COP1: variants seen among roughly 807,000 people sequenced by gnomAD.
COP1 encodes the protein COP1 E3 ubiquitin ligase.
A neutral mutation model predicts 101.3 loss-of-function variants in COP1; 24 were observed. The ratio of observed to expected loss-of-function variants is 0.24; its 90% CI spans 0.17 to 0.33. COP1 has a LOEUF of 0.33. COP1 is among the 10% of genes least tolerant of loss of function. COP1 has a pLI of 1.00. For missense variants in COP1, 663 were observed against 906.2 expected, an observed-to-expected ratio of 0.73 and a Z score of 3.45; for synonymous variants, 347 against 341.9, an observed-to-expected ratio of 1.01 and a Z score of -0.17.
chr1:176,159,457 T>C (rs1372670917), intron 5 of COP1, among the ~76,000 whole-genome samples: 1 of 152,118 alleles, frequency 6.6e-6, no homozygotes, highest in Non-Finnish European at 1.5e-5. Context: ...AATCTGTCAA[T>C]ATCAAATATT....
At chr1:176,046,369 T>C (rs772456497) in intron 11 of COP1, 45 bp from the exon 12 acceptor site, 5 of 1,577,418 alleles carry the variant, frequency 3.2e-6, no homozygotes, top group African/African-American at 2.7e-5. Context: ...GAATTTGCTA[T>C]TTTCTATTTC....
intron 9 of COP1, among the ~76,000 whole-genome samples, chr1:176,109,254 C>T (rs1684877608): frequency 6.6e-6 from 1 of 151,938 alleles, no homozygotes; most frequent in African/African-American, 2.4e-5. Context: ...GGGTAGACTT[C>T]TTTCTTCATT....
intron 8 of COP1, among the ~76,000 whole-genome samples, chr1:176,121,035 CTAT>C (rs1687036398): frequency 6.6e-6 from 1 of 151,734 alleles, no homozygotes; most frequent in Non-Finnish European, 1.5e-5. Flanking sequence ...TAAAATTAGA[CTAT>C]TATCATTGAT....
chr1:176,075,592 A>G (rs536556843), intron 11 of COP1, among the ~76,000 whole-genome samples: 36 of 152,214 alleles, frequency 2.4e-4, no homozygotes, highest in Non-Finnish European at 3.7e-4. Context: ...AGAGATGCAG[A>G]TAAGTTTCTG....
At chr1:176,116,476 G>T in intron 9 of COP1, 148 bp downstream of exon 9, 1 of 572,548 alleles carries the variant, frequency 1.7e-6, no homozygotes, top group Non-Finnish European at 3.1e-6. Flanking sequence ...CTACCATTAT[G>T]CATAAGAGCT....
At chr1:176,006,294 CTT>C (rs1374786613) in intron 15 of COP1, among the ~76,000 whole-genome samples, 4 of 151,278 alleles carry the variant, frequency 2.6e-5, no homozygotes, top group African/African-American at 9.8e-5. Context: ...GGTCTTGACT[CTT>C]TATCCAATTT....
intron 15 of COP1, among the ~76,000 whole-genome samples, chr1:176,009,512 T>G (rs990761781): frequency 6.6e-6 from 1 of 151,990 alleles, no homozygotes; most frequent in Non-Finnish European, 1.5e-5. Flanking sequence ...TGTACAAAAG[T>G]TTTACAGTAG....
chr1:176,070,522 T>C (rs1345169143), intron 11 of COP1, among the ~76,000 whole-genome samples: 2 of 151,930 alleles, frequency 1.3e-5, no homozygotes, highest in Admixed American at 1.3e-4. Flanking sequence ...ATCAGCTGGC[T>C]GTGGTGGCAC....
intron 18 of COP1, among the ~76,000 whole-genome samples, chr1:175,978,765 GGAA>G (rs1558197108): frequency 1.3e-5 from 2 of 152,052 alleles, no homozygotes; most frequent in Non-Finnish European, 2.9e-5. Flanking sequence ...AAAGATAAAA[GGAA>G]GAAGAGAAAC....
intron 5 of COP1, among the ~76,000 whole-genome samples, chr1:176,162,551 A>G (rs2149943473): frequency 6.6e-6 from 1 of 152,334 alleles, no homozygotes; most frequent in South Asian, 2.1e-4. Flanking sequence ...ACAATATGGT[A>G]AGAAAGATAC....
intron 6 of COP1, among the ~76,000 whole-genome samples, chr1:176,142,235 TA>T (rs1251143989): frequency 6.6e-6 from 1 of 151,808 alleles, no homozygotes; most frequent in African/African-American, 2.4e-5. Context: ...AAATTTACTT[TA>T]AAACATTATA....
chr1:176,123,384 T>C (rs1038135889), intron 8 of COP1, among the ~76,000 whole-genome samples: 4 of 152,202 alleles, frequency 2.6e-5, no homozygotes, highest in Non-Finnish European at 5.9e-5. Flanking sequence ...AAGCAAGTTT[T>C]ACCATGTGCA....
chr1:176,041,972 C>A (rs1370695464), intron 14 of COP1, among the ~76,000 whole-genome samples: 1 of 152,082 alleles, frequency 6.6e-6, no homozygotes, highest in East Asian at 1.9e-4. Flanking sequence ...ATTAGCCGGA[C>A]ATGGTGGCAC....
In COP1 at chr1:175,992,607, C is replaced by T. The variant is rs373597660; in HGVS notation, c.1730-3128G>A. ...CCAGGAGATTATATCCCGCACCTGG[C>T]TCGGAGGGTCCTACGCCCACGGAGT... is the stretch of plus-strand genomic sequence containing the variant. On this transcript the variant is annotated intron_variant, in intron 15 of 19. Transcript: ENST00000367669. 1.9e-4 allele frequency among the ~76,000 whole-genome samples: 29 copies of T among 152,356 alleles called. No individual in the cohort carries two copies. The East Asian group carries it at 5.2e-3, about 27-fold the overall frequency.
intron 18 of COP1, among the ~76,000 whole-genome samples, chr1:175,961,494 C>T (rs1338479720): frequency 6.6e-6 from 1 of 151,980 alleles, no homozygotes; most frequent in Non-Finnish European, 1.5e-5. Flanking sequence ...GACATGATGT[C>T]TGATCTTAAG....
intron 8 of COP1, among the ~76,000 whole-genome samples, chr1:176,119,811 C>T (rs1160976694): frequency 3.3e-5 from 5 of 152,120 alleles, no homozygotes; most frequent in Admixed American, 2.6e-4. Context: ...TTACTATGCA[C>T]TAACCTAAAT....
At chr1:176,105,546 G>T (rs560468029) in intron 9 of COP1, among the ~76,000 whole-genome samples, 2 of 152,238 alleles carry the variant, frequency 1.3e-5, no homozygotes, top group East Asian at 3.9e-4. Context: ...TTTTGATCGT[G>T]ACAGCTAGGT....
chr1:176,145,451 A>T (rs1691429930), intron 6 of COP1, among the ~76,000 whole-genome samples: 1 of 152,214 alleles, frequency 6.6e-6, no homozygotes, highest in Non-Finnish European at 1.5e-5. Flanking sequence ...TTTTGGCATT[A>T]TCTATTAAAT....
intron 11 of COP1, among the ~76,000 whole-genome samples, chr1:176,078,835 GAC>G (rs1678567301): frequency 1.3e-5 from 2 of 151,192 alleles, no homozygotes; most frequent in Non-Finnish European, 3.0e-5. Flanking sequence ...AAAATGAGAA[GAC>G]ACAGACACTT....
Sources: gnomAD v4.1 joint callset for allele counts (sites outside exome capture counted in the v4.1 genomes callset) on GRCh38, gnomAD v4.1.1 for gene constraint, MANE v1.5 for transcripts, NCBI Gene and HGNC (gene_info 2026-07-23, HGNC 2026-07-21) for gene names.